The following LRP2 variants were observed in gnomAD, a reference collection of about 807,000 sequenced individuals.
LRP2 encodes the protein LDL receptor related protein 2.
A neutral mutation model predicts 531.0 loss-of-function variants in LRP2; 172 were observed. The ratio of observed to expected loss-of-function variants is 0.32; its 90% CI spans 0.29 to 0.37. The LOEUF is 0.37. Ranked by LOEUF, LRP2 falls within the 10% of genes least tolerant of loss-of-function variation. The pLI is 1.00. For missense variants in LRP2, 5,167 were observed against 5,868.3 expected (o/e 0.88, Z 3.90); for synonymous variants, 1,992 against 2,027.6 (o/e 0.98, Z 0.47).
chr2:169,272,651 G>A (rs1189455541), intron 15 of LRP2, among the ~76,000 whole-genome samples: 1 of 152,084 alleles, frequency 6.6e-6, no homozygotes, highest in Admixed American at 6.6e-5. Flanking sequence ...AAAGGCTTCA[G>A]GAAACAAAGG....
intron 55 of LRP2, among the ~76,000 whole-genome samples, chr2:169,174,809 CT>C (rs36105004): frequency 2.2e-3 from 283 of 128,500 alleles, no homozygotes; most frequent in African/African-American, 4.5e-3. Flanking sequence ...TGTGCTCAGT[CT>C]TTTTTTTTTT....
At chr2:169,338,201 GAAAGA>G (rs996856260) in intron 1 of LRP2, among the ~76,000 whole-genome samples, 12 of 145,662 alleles carry the variant, frequency 8.2e-5, no homozygotes, top group Admixed American at 7.8e-4. Context: ...AGAAAGAAAA[GAAAGA>G]AAAGAAAGGA....
At chr2:169,231,976 T>C in intron 30 of LRP2, 134 bp from the exon 31 acceptor site, 2 of 1,080,688 alleles carry the variant, frequency 1.9e-6, no homozygotes, top group Non-Finnish European at 2.7e-6. Context: ...CTCTGTTGTT[T>C]TCTTTTGTTT....
intron 33 of LRP2, among the ~76,000 whole-genome samples, chr2:169,222,642 A>C (rs1383112938): frequency 6.6e-6 from 1 of 152,236 alleles, no homozygotes; most frequent in East Asian, 1.9e-4. Context: ...CACCTATGAC[A>C]AAGTTTAATT....
rs933653100 is a variant in LRP2 at position 169,242,344 on chromosome 2, A to C, written c.3667+612T>G. On this transcript the variant is annotated intron_variant, in intron 24 of 78. Transcript: ENST00000649046. The stretch of plus-strand genomic sequence containing the variant: ...AAGATTATAGATCCATCAGAATTAT[A>C]CTGTATGAAGTCCTACTTGAATCCT... 3.3e-5 allele frequency among the ~76,000 whole-genome samples: 5 copies of C among 152,344 alleles called. 1 individual carries two copies. Among genetic ancestry groups the C allele is most frequent in the Middle Eastern group, 6.8e-3 (2 of 294 alleles).
chr2:169,246,777 G>A lies in LRP2; in HGVS notation c.3118C>T (p.Pro1040Ser). 6.2e-7 allele frequency: 1 copy of A among 1,614,114 alleles called. No individual in the cohort carries two copies. The highest frequency in any genetic ancestry group is 2.2e-5 in the East Asian group (1 of 44,876). ...SFPCKNGRCV[P>S]NYYLCDGVDD... is the part of the protein sequence containing the mutation. Reference sequence around the variant, plus strand: ...ACTCCATCACAGAGATAGTAATTGGGCACACATCTGCCATTTTTACAGGGG... The same window carrying A: ...ACTCCATCACAGAGATAGTAATTGGACACACATCTGCCATTTTTACAGGGG... The change falls in exon 21 of 79, where the codon CCC (proline) becomes TCC (serine). Residue 1040 changes from proline to serine, a missense_variant. Pro to Ser is a moderately conservative substitution (Grantham distance 74, BLOSUM62 -1). Coordinates refer to ENST00000649046, the MANE Select transcript of LRP2 (RefSeq NM_004525.3).
At chr2:169,182,687 G>A (rs1687486686) in intron 50 of LRP2, 13 of 968,316 alleles carry the variant, frequency 1.3e-5, no homozygotes, top group Non-Finnish European at 1.6e-5. Flanking sequence ...CAGTTTAAAT[G>A]GTGGAGTCAA....
At chr2:169,304,373 C>T (rs531782320) in intron 4 of LRP2, among the ~76,000 whole-genome samples, 56 of 152,224 alleles carry the variant, frequency 3.7e-4, no homozygotes, top group African/African-American at 1.2e-3. Context: ...AAACAAGTCA[C>T]GCTTCTCTTT....
intron 52 of LRP2, among the ~76,000 whole-genome samples, chr2:169,180,000 A>G (rs1687369144): frequency 6.6e-6 from 1 of 152,084 alleles, no homozygotes; most frequent in African/African-American, 2.4e-5. Context: ...TAATCCATCT[A>G]CGTAAATAAT....
chr2:169,186,014 T>C lies in LRP2; in HGVS notation c.9334A>G (p.Asn3112Asp), dbSNP rs112414551. 27 of 1,613,140 alleles carry C rather than the reference T, an allele frequency of 1.7e-5. 1 individual carries two copies. The highest frequency in any genetic ancestry group is 9.3e-5 in the African/African-American group (7 of 75,018). Reference protein sequence around the residue: ...DNSDEKGCGINECHDPSISGC... With the variant: ...DNSDEKGCGIDECHDPSISGC... The stretch of plus-strand genomic sequence containing the variant: ...CTGATTGAAGGGTCATGGCATTCAT[T>C]AATGCCTGTAGGTAAAAAGCAGTTC... Residue 3112 changes from asparagine to aspartate, a missense_variant, in exon 50 of 79, where the codon AAT becomes GAT. Asn to Asp is a conservative substitution (Grantham distance 23). This residue lies in a region of LRP2 where 1,129 missense variants were observed against 1,362.7 expected (regional missense o/e 0.83). Transcript: ENST00000649046.
chr2:169,257,819 C>CA (rs1194620011), intron 17 of LRP2, among the ~76,000 whole-genome samples: 13 of 90,842 alleles, frequency 1.4e-4, no homozygotes, highest in South Asian at 5.4e-4. Flanking sequence ...CAAAAAAAAA[C>CA]AAAAACAAAA....
intron 1 of LRP2, among the ~76,000 whole-genome samples, chr2:169,357,928 A>C (rs1415507143): frequency 6.6e-6 from 1 of 152,156 alleles, no homozygotes; most frequent in African/African-American, 2.4e-5. Flanking sequence ...GATCTTCAGG[A>C]ATGCGCTTTG....
At chr2:169,157,917 G>GAAATAAATAAAT (rs71397691) in intron 63 of LRP2, among the ~76,000 whole-genome samples, 1,673 of 130,722 alleles carry the variant, frequency 0.013, 18 homozygotes, top group Middle Eastern at 0.017. Context: ...ATAACAGATA[G>GAAATAAATAAAT]AAATAAATAA....
At chr2:169,361,972 AGG>A (rs1686178605) in intron 1 of LRP2, among the ~76,000 whole-genome samples, 1 of 152,192 alleles carries the variant, frequency 6.6e-6, no homozygotes, top group South Asian at 2.1e-4. Context: ...TCCGCTAGGG[AGG>A]GCAGGCTGCA....
At chr2:169,327,755 TGGG>T (rs1187242894) in intron 1 of LRP2, among the ~76,000 whole-genome samples, 45 of 92,750 alleles carry the variant, frequency 4.9e-4, no homozygotes, top group Middle Eastern at 8.2e-3. Flanking sequence ...GGGAGGGAGG[TGGG>T]GGGGTCAGCC....
rs147267007 is a variant in LRP2, at chr2:169,177,914, T to C, written c.10282A>G (p.Arg3428Gly). Reference protein sequence around the residue: ...DTIYWTDWNTRTVEKGNKYDG... With the variant: ...DTIYWTDWNTGTVEKGNKYDG... ...TATTTGTTTCCCTTTTCCACTGTCC[T>C]TGTATTCCAATCTGTCCAATAAATA... is the stretch of plus-strand genomic sequence containing the variant. Residue 3428 changes from arginine to glycine, a missense_variant, in exon 53 of 79, where the codon AGG (arginine) becomes GGG (glycine). This residue lies in a region of LRP2 where 1,129 missense variants were observed against 1,362.7 expected (regional missense o/e 0.83). Coordinates refer to ENST00000649046, the MANE Select transcript of LRP2 (RefSeq NM_004525.3). The C allele has an allele frequency of 2.7e-4, 435 of 1,614,096 alleles. No individual in the cohort carries two copies. Among genetic ancestry groups the C allele is most frequent in the Non-Finnish European group, 3.6e-4 (425 of 1,180,022 alleles).
chr2:169,314,436 A>AT (rs72421531), intron 3 of LRP2, among the ~76,000 whole-genome samples: 5,587 of 151,946 alleles, frequency 0.037, 342 homozygotes, highest in African/African-American at 0.13. Flanking sequence ...AAAAAAAAAA[A>AT]ATATGTAAAA....
Position 169,241,109 on chromosome 2 carries a change from C to G in LRP2, c.3924G>C (p.Gln1308His), listed in dbSNP as rs1689787350. ...ATTGCCAACTAGGACAGCGAAAGGG[C>G]TGAGTAGGGCAGTCCTTCTCATCAC... ...DMSDEKDCPT[Q>H]PFRCPSWQWQ... The change falls in exon 25 of 79, where the codon CAG (glutamine) becomes CAC (histidine). Residue 1308 changes from glutamine to histidine, a missense_variant. By Grantham distance (24) the Gln-to-His change is conservative. Around this residue, in one of 6 missense-constraint regions of LRP2, gnomAD observed 2,811 missense variants for 3,058.0 expected, o/e 0.92. Coordinates refer to ENST00000649046, the MANE Select transcript of LRP2 (RefSeq NM_004525.3). The G allele has an allele frequency of 1.2e-6, 2 of 1,613,748 alleles. No homozygotes were observed. The highest frequency in any genetic ancestry group is 3.3e-5 in the Admixed American group (2 of 60,000).
rs201877886 is a variant in LRP2, at chr2:169,206,687, G to T, written c.7033C>A (p.Pro2345Thr). ...CACCCACCATTGTTTTCCAAGCAAG[G>T]GTTGTTGTTGACCTCTGCTGGTGAC... ...PRSPAEVNNN[P>T]CLENNGGCSH... is the part of the protein sequence containing the mutation. The change falls in exon 39 of 79, where the codon CCT becomes ACT. Residue 2345 changes from proline to threonine, a missense_variant. By Grantham distance (38) the Pro-to-Thr change is conservative. This residue lies in a region of LRP2 where 2,811 missense variants were observed against 3,058.0 expected (regional missense o/e 0.92). Transcript: ENST00000649046. 6.2e-7 allele frequency: 1 copy of T among 1,614,144 alleles called. No individual in the cohort carries two copies. The highest frequency in any genetic ancestry group is 2.2e-5 in the East Asian group (1 of 44,882).
Sources: gnomAD v4.1 joint callset for allele counts (sites outside exome capture counted in the v4.1 genomes callset) on GRCh38, gnomAD v4.1.1 for gene constraint, gnomAD v4.1.1 regional missense constraint, MANE v1.5 for transcripts, NCBI Gene and HGNC (gene_info 2026-07-23, HGNC 2026-07-21) for gene names.